STARD13: variants seen among roughly 807,000 people sequenced by gnomAD.
The protein encoded by STARD13 is stAR-related lipid transfer protein 13.
In STARD13, 62 loss-of-function variants were observed where a neutral mutation model predicts 106.4. The observed-to-expected ratio is 0.58, with a 90% CI of 0.48 to 0.72. STARD13 has a LOEUF of 0.72. Ranked by LOEUF, STARD13 falls within the 30% of genes least tolerant of loss-of-function variation. The pLI, the probability that STARD13 is intolerant of heterozygous loss-of-function variation, is 0.00. For missense variants in STARD13, 1,387 were observed against 1,424.0 expected (o/e 0.97, Z 0.42); for synonymous variants, 565 against 553.0 (o/e 1.02, Z -0.31).
chr13:33,366,944 C>G, the STARD13 span, among the ~76,000 whole-genome samples: 1 of 152,112 alleles, frequency 6.6e-6, no homozygotes, highest in South Asian at 2.1e-4. The surrounding 1 kb of genome is among the most constrained non-coding windows in gnomAD (Gnocchi z 4.2). Flanking sequence ...TGGATTCAAG[C>G]TAAAAGTTTA....
chr13:33,499,523 TTCTTCTTCTTCTTCTTCTTC>T, the STARD13 span, among the ~76,000 whole-genome samples: 64 of 50,418 alleles, frequency 1.3e-3, 7 homozygotes, highest in East Asian at 4.9e-3. Flanking sequence ...TCTTTCTTTC[TTCTTCTTCTTCTTCTTCTTC>T]TTCTTCTTCT....
At chr13:33,271,576 A>G (rs533512645) in intron 1 of STARD13, 78 of 152,268 alleles carry the variant, frequency 5.1e-4, no homozygotes, top group African/African-American at 1.9e-3. Flanking sequence ...GAACTTAGGA[A>G]CCTCAGGTAG....
Position 33,142,250 on chromosome 13 carries a change from A to G in STARD13, c.387+60T>C, listed in dbSNP as rs1223878287. ...GGGTCTCACTATGTTGCTCAGATTG[A>G]TCTCAAACTCCTGGCATTCACTGGC... On this transcript the variant is annotated intron_variant, in intron 4 of 13. Coordinates refer to ENST00000336934, the MANE Select transcript of STARD13 (RefSeq NM_178006.4). 7.8e-6 allele frequency: 10 copies of G among 1,287,998 alleles called. No homozygotes were observed. In the Admixed American group the frequency reaches 1.7e-4, roughly 22 times the overall value. The allele number at this position is 1,287,998 out of a possible 1,614,324, so 79.8% of individuals were successfully genotyped here.
intron 1 of STARD13, among the ~76,000 whole-genome samples, chr13:33,245,880 A>G (rs771091717): frequency 2.0e-5 from 3 of 152,206 alleles, no homozygotes; most frequent in African/African-American, 4.8e-5. Flanking sequence ...AGTAATTTAT[A>G]GGGAGTTGAT....
At chr13:33,360,730 A>AGACAGAAGGAATCCTTC in the STARD13 span, among the ~76,000 whole-genome samples, 1 of 10,326 alleles carries the variant, frequency 9.7e-5, no homozygotes, top group African/African-American at 3.7e-4. Flanking sequence ...AGAAGGACAT[A>AGACAGAAGGAATCCTTC]TTGTTGATCG....
chr13:33,252,137 A>G (rs551026470), intron 1 of STARD13, among the ~76,000 whole-genome samples: 2 of 152,312 alleles, frequency 1.3e-5, no homozygotes, highest in East Asian at 1.9e-4. Context: ...TTCTAATTCA[A>G]TTTATTCTGG....
intron 7 of STARD13, among the ~76,000 whole-genome samples, chr13:33,125,181 C>T (rs1876972159): frequency 6.6e-6 from 1 of 152,122 alleles, no homozygotes; most frequent in African/African-American, 2.4e-5. Context: ...CCCACTGAGC[C>T]CAAGGACCAG....
At chr13:33,293,324 T>C (rs930797277) in intron 1 of STARD13, among the ~76,000 whole-genome samples, 2 of 152,186 alleles carry the variant, frequency 1.3e-5, no homozygotes, top group African/African-American at 4.8e-5. Flanking sequence ...AGGACATCAG[T>C]AGCGATTGGT....
intron 1 of STARD13, among the ~76,000 whole-genome samples, chr13:33,269,054 C>T (rs2060316303): frequency 6.6e-6 from 1 of 152,110 alleles, no homozygotes; most frequent in Non-Finnish European, 1.5e-5. Flanking sequence ...CACATAAGCG[C>T]TTTCTTTCCT....
At chr13:33,419,155 G>T in the STARD13 span, among the ~76,000 whole-genome samples, 23,668 of 151,968 alleles carry the variant, frequency 0.16, 4,390 homozygotes, top group African/African-American at 0.44. Context: ...AGGTTGGTAA[G>T]AACAAACTTG....
intron 5 of STARD13, among the ~76,000 whole-genome samples, chr13:33,128,141 A>G (rs945772128): frequency 1.3e-5 from 2 of 151,982 alleles, no homozygotes; most frequent in African/African-American, 4.8e-5. Context: ...TAGACAGAGG[A>G]CAGACAGAGG....
At chr13:33,565,011 AAG>A in the STARD13 span, among the ~76,000 whole-genome samples, 2 of 146,624 alleles carry the variant, frequency 1.4e-5, no homozygotes, top group Admixed American at 7.1e-5. Flanking sequence ...AAAAGAAAAA[AAG>A]AAAAAAAAAT....
At chr13:33,197,414 A>AG (rs1333050930) in intron 1 of STARD13, among the ~76,000 whole-genome samples, 3 of 90,690 alleles carry the variant, frequency 3.3e-5, no homozygotes, top group Non-Finnish European at 4.6e-5. Flanking sequence ...AAAGGAAGAG[A>AG]GTTGTGTGTG....
chr13:33,463,266 G>A, the STARD13 span, among the ~76,000 whole-genome samples: 1 of 152,208 alleles, frequency 6.6e-6, no homozygotes, highest in Admixed American at 6.5e-5. Flanking sequence ...CTACTCCATA[G>A]ACAGTGTGCC....
the STARD13 span, among the ~76,000 whole-genome samples, chr13:33,663,922 C>T: frequency 1.3e-5 from 2 of 152,224 alleles, no homozygotes; most frequent in Non-Finnish European, 2.9e-5. Flanking sequence ...GTTCCTCCGA[C>T]TCTTTCCGTA....
chr13:33,135,154 A>G (rs1483221132), intron 4 of STARD13, among the ~76,000 whole-genome samples: 5 of 152,262 alleles, frequency 3.3e-5, no homozygotes, highest in African/African-American at 4.8e-5. Flanking sequence ...TGGGGTGGAC[A>G]ATTGAAAGAA....
the STARD13 span, among the ~76,000 whole-genome samples, chr13:33,630,754 T>G: frequency 1.3e-5 from 2 of 152,330 alleles, no homozygotes; most frequent in East Asian, 3.9e-4. Context: ...ACACAAGTTT[T>G]CTTGTACACC....
At chr13:33,635,304 A>G in the STARD13 span, among the ~76,000 whole-genome samples, 1 of 152,160 alleles carries the variant, frequency 6.6e-6, no homozygotes, top group Non-Finnish European at 1.5e-5. Context: ...TCCTTGATTT[A>G]GTTTCCCTAA....
the STARD13 span, among the ~76,000 whole-genome samples, chr13:33,515,662 G>T: frequency 7.2e-5 from 11 of 152,218 alleles, no homozygotes; most frequent in African/African-American, 2.4e-4. Flanking sequence ...ACTTTAAATT[G>T]CCTGCCAATC....
Sources: allele counts gnomAD v4.1 joint callset (sites outside exome capture counted in the v4.1 genomes callset), GRCh38; gene constraint gnomAD v4.1.1; non-coding constraint Gnocchi (gnomAD v3.1); transcripts MANE v1.5; gene names NCBI Gene and HGNC (gene_info 2026-07-23, HGNC 2026-07-21).